ACCSL: variants seen among roughly 807,000 people sequenced by gnomAD.
The protein encoded by ACCSL is 1-aminocyclopropane-1-carboxylate synthase homolog (inactive) like.
ACCSL carries 55 observed loss-of-function variants against 61.7 expected under a neutral mutation model. The observed-to-expected ratio is 0.89, with a 90% CI of 0.72 to 1.12. The LOEUF (loss-of-function observed/expected upper bound fraction) is 1.12, where lower values mean the gene tolerates loss of function less well. ACCSL is among the 50% of genes most tolerant of loss of function. The pLI is 0.00. For synonymous variants in ACCSL, 258 were observed against 264.3 expected (o/e 0.98, Z 0.23); for missense variants, 632 against 698.0 (o/e 0.91, Z 1.07).
At chr11:44,026,686 G>A in the ACCSL span, among the ~76,000 whole-genome samples, 1 of 151,974 alleles carries the variant, frequency 6.6e-6, no homozygotes, top group African/African-American at 2.4e-5. Flanking sequence ...CCCTTCACTA[G>A]GGTTTGTTAT....
chr11:44,030,497 T>C, the ACCSL span, among the ~76,000 whole-genome samples: 85,625 of 151,390 alleles, frequency 0.57, 24,360 homozygotes, highest in Middle Eastern at 0.64. Context: ...AGCATGAGTC[T>C]CTGAGCCAAG....
the ACCSL span, chr11:43,942,630 G>C: frequency 3.4e-6 from 1 of 298,350 alleles, no homozygotes; most frequent in South Asian, 2.5e-5. Context: ...CCTGGCCGCC[G>C]CGGGGCAGAC....
At position 44,053,426 on chromosome 11, in the gene ACCSL, T is replaced by A. The variant is rs780841726; in HGVS notation, c.969T>A (p.Leu323=). 2 of 1,614,074 alleles carry A rather than the reference T, an allele frequency of 1.2e-6. No homozygotes were observed. ...ARLEGKKVRG[L]VLINPQNPLG... is the part of the protein sequence containing the mutation. The stretch of plus-strand genomic sequence containing the variant: ...CTTAGGGGAAAAAGGTCCGAGGCCT[T>A]GTGCTAATCAACCCTCAGAATCCTC... Residue 323 remains leucine (L), a synonymous_variant, in exon 8 of 14, where the codon CTT becomes CTA. Coordinates refer to ENST00000378832, the MANE Select transcript of ACCSL (RefSeq NM_001031854.2).
chr11:44,053,007 C>T lies in ACCSL; in HGVS notation c.887C>T (p.Thr296Ile). ...HLESEVTVTN[T>I]HPFQLTVDKL... is the part of the protein sequence containing the mutation. Reference sequence around the variant, plus strand: ...CTCTTCCAGGTCACTGTTACAAACACCCATCCTTTCCAGCTCACTGTGGAC... The same window carrying T: ...CTCTTCCAGGTCACTGTTACAAACATCCATCCTTTCCAGCTCACTGTGGAC... Residue 296 changes from threonine to isoleucine, a missense_variant, in exon 7 of 14, where the codon ACC becomes ATC. Coordinates refer to ENST00000378832, the MANE Select transcript of ACCSL (RefSeq NM_001031854.2). 1 of 1,614,136 alleles carries T rather than the reference C, an allele frequency of 6.2e-7. No individual in the cohort carries two copies. Among genetic ancestry groups the T allele is most frequent in the Non-Finnish European group, 8.5e-7 (1 of 1,179,992 alleles).
the ACCSL span, among the ~76,000 whole-genome samples, chr11:43,990,044 T>C: frequency 1.3e-5 from 2 of 152,150 alleles, no homozygotes; most frequent in African/African-American, 2.4e-5. Context: ...CCCTTACTCC[T>C]CCCTTCCCAG....
At chr11:44,006,048 C>A in the ACCSL span, among the ~76,000 whole-genome samples, 1 of 152,148 alleles carries the variant, frequency 6.6e-6, no homozygotes, top group African/African-American at 2.4e-5. Context: ...ACCATGCCAC[C>A]CCAGCGACCT....
At chr11:44,054,005 A>T (rs1026853638) in intron 8 of ACCSL, among the ~76,000 whole-genome samples, 1 of 152,226 alleles carries the variant, frequency 6.6e-6, no homozygotes, top group African/African-American at 2.4e-5. Flanking sequence ...GCCTCAGCCT[A>T]TGTATTGACA....
the ACCSL span, among the ~76,000 whole-genome samples, chr11:43,985,819 C>G: frequency 2.0e-5 from 3 of 152,110 alleles, no homozygotes; most frequent in Non-Finnish European, 4.4e-5. Flanking sequence ...GGCGGATCAC[C>G]TGAGGTCAAG....
At chr11:43,951,965 C>A in the ACCSL span, among the ~76,000 whole-genome samples, 3 of 151,752 alleles carry the variant, frequency 2.0e-5, no homozygotes, top group East Asian at 3.9e-4. Context: ...CGTGCCTCTG[C>A]ACTCCAGCCT....
intron 1 of ACCSL, 89 bp downstream of exon 1, chr11:44,048,629 T>A: frequency 1.7e-6 from 2 of 1,150,592 alleles, no homozygotes; most frequent in Non-Finnish European, 2.5e-6. Context: ...CTATATATGC[T>A]CTCATTCTTT....
the ACCSL span, among the ~76,000 whole-genome samples, chr11:43,984,074 G>A: frequency 6.6e-6 from 1 of 152,014 alleles, no homozygotes; most frequent in Admixed American, 6.6e-5. Context: ...CCAAGATCGT[G>A]CCACTTCACT....
At chr11:43,976,765 G>A in the ACCSL span, among the ~76,000 whole-genome samples, 4 of 152,306 alleles carry the variant, frequency 2.6e-5, no homozygotes, top group South Asian at 2.1e-4. Context: ...TGGCCAGAAC[G>A]TGTCACATGG....
intron 8 of ACCSL, among the ~76,000 whole-genome samples, chr11:44,054,368 C>T (rs1241350962): frequency 1.3e-5 from 2 of 151,944 alleles, no homozygotes; most frequent in Non-Finnish European, 2.9e-5. Context: ...AGAATGGGTT[C>T]ACTTCCCAGC....
chr11:44,059,841 T>C lies in ACCSL; in HGVS notation c.1628T>C (p.Met543Thr), dbSNP rs751206240. The stretch of plus-strand genomic sequence containing the variant: ...TGTCCCCATTTGAACCCTCTAGCTA[T>C]GCGTCGGTTCTGTGATGTGCTGCAG... Reference protein sequence around the residue: ...ADELPRLKLAMRRFCDVLQEQ... With the variant: ...ADELPRLKLATRRFCDVLQEQ... Residue 543 changes from methionine to threonine, a missense_variant, in exon 14 of 14, where the codon ATG (methionine) becomes ACG (threonine). Coordinates refer to ENST00000378832, the MANE Select transcript of ACCSL (RefSeq NM_001031854.2). 1 of 1,613,280 alleles carries C rather than the reference T, an allele frequency of 6.2e-7. No homozygotes were observed. Among genetic ancestry groups the C allele is most frequent in the Non-Finnish European group, 8.5e-7 (1 of 1,179,538 alleles).
At chr11:43,925,295 C>T in the ACCSL span, 7 of 449,132 alleles carry the variant, frequency 1.6e-5, no homozygotes, top group African/African-American at 1.4e-4. Context: ...AATGCTTAGG[C>T]CAGTGTTCTT....
chr11:44,055,118 A>G, intron 8 of ACCSL, 84 bp from the exon 9 acceptor site: 1 of 964,664 alleles, frequency 1.0e-6, no homozygotes, highest in Non-Finnish European at 1.6e-6. Context: ...ACTTAAGATT[A>G]CAAAGATGCT....
At chr11:43,949,310 CA>C in the ACCSL span, among the ~76,000 whole-genome samples, 1 of 152,132 alleles carries the variant, frequency 6.6e-6, no homozygotes, top group South Asian at 2.1e-4. Flanking sequence ...CAAATTTTAC[CA>C]AACAGATCTG....
the ACCSL span, among the ~76,000 whole-genome samples, chr11:44,012,997 A>T: frequency 6.6e-6 from 1 of 152,248 alleles, no homozygotes; most frequent in Admixed American, 6.5e-5. Context: ...ACCCTGGGCT[A>T]GCCCAGTGCC....
chr11:43,928,477 T>C, the ACCSL span, among the ~76,000 whole-genome samples: 1 of 152,148 alleles, frequency 6.6e-6, no homozygotes, highest in Non-Finnish European at 1.5e-5. Context: ...CTTCTTGATA[T>C]GCCTTCACCC....
Sources: gnomAD v4.1 joint callset for allele counts (sites outside exome capture counted in the v4.1 genomes callset) on GRCh38, gnomAD v4.1.1 for gene constraint, MANE v1.5 for transcripts, NCBI Gene and HGNC (gene_info 2026-07-23, HGNC 2026-07-21) for gene names.